ABCA6: variants seen among roughly 807,000 people sequenced by gnomAD.
ABCA6 encodes the protein ATP binding cassette subfamily A member 6.
In ABCA6, 164 loss-of-function variants were observed where a neutral mutation model predicts 191.2. The ratio of observed to expected loss-of-function variants is 0.86; its 90% CI spans 0.76 to 0.98. The LOEUF (loss-of-function observed/expected upper bound fraction) is 0.98, where lower values mean the gene tolerates loss of function less well. Ranked by LOEUF, ABCA6 falls within the 50% of genes least tolerant of loss-of-function variation. The probability of loss-of-function intolerance (pLI) is 0.00; values close to 1 mark genes in which losing one functional copy is unlikely to be tolerated. For missense variants in ABCA6, 1,958 were observed against 1,894.1 expected, an observed-to-expected ratio of 1.03 and a Z score of -0.63; for synonymous variants, 636 against 647.7, an observed-to-expected ratio of 0.98 and a Z score of 0.27.
chr17:69,091,207 A>C lies in ABCA6; in HGVS notation c.3464T>G (p.Leu1155Trp). Reference sequence around the variant, plus strand: ...AGGAACCAATACCATGGTGGTAATCAATATACTTAGGTCAAAATGATTGAT... The same window carrying C: ...AGGAACCAATACCATGGTGGTAATCCATATACTTAGGTCAAAATGATTGAT... ...TLINHFDLSI[L>W]ITTMVLVPSY... Residue 1155 changes from leucine (L) to tryptophan (W), a missense_variant, in exon 26 of 39, where the codon TTG (leucine) becomes TGG (tryptophan). By Grantham distance (61) the Leu-to-Trp change is moderately conservative. Coordinates refer to ENST00000284425, the MANE Select transcript of ABCA6 (RefSeq NM_080284.3). 6.2e-7 allele frequency: 1 copy of C among 1,612,240 alleles called. No homozygotes were observed. The highest frequency in any genetic ancestry group is 8.5e-7 in the Non-Finnish European group (1 of 1,179,504).
At chr17:69,096,429 A>G (rs931812862) in intron 24 of ABCA6, 76 bp from the exon 25 acceptor site, 4 of 920,466 alleles carry the variant, frequency 4.3e-6, no homozygotes, top group Non-Finnish European at 6.1e-6. Context: ...CAACTTTTAA[A>G]AAACAAGTAA....
intron 25 of ABCA6, 74 bp downstream of exon 25, chr17:69,096,166 C>T: frequency 1.5e-6 from 1 of 652,874 alleles, no homozygotes; most frequent in East Asian, 3.4e-5. Context: ...TTAAGGCAGA[C>T]ATCTGTATTT....
intron 14 of ABCA6, 37 bp from the exon 15 acceptor site, chr17:69,113,397 T>C (rs780588373): frequency 3.2e-6 from 5 of 1,572,116 alleles, no homozygotes; most frequent in Admixed American, 2.1e-5. Context: ...ATGTCTCTCT[T>C]TCACATTAAC....
At chr17:69,084,192 A>G in intron 34 of ABCA6, 69 bp downstream of exon 34, 1 of 1,467,980 alleles carries the variant, frequency 6.8e-7, no homozygotes, top group South Asian at 1.2e-5. Context: ...CTGATTTTCC[A>G]AGACCAGTTA....
intron 18 of ABCA6, among the ~76,000 whole-genome samples, chr17:69,107,098 T>C (rs956644214): frequency 6.6e-6 from 1 of 152,190 alleles, no homozygotes; most frequent in Non-Finnish European, 1.5e-5. Flanking sequence ...GTATCTTACA[T>C]CTGTGATTGG....
chr17:69,101,841 C>T (rs1213628674), intron 21 of ABCA6, among the ~76,000 whole-genome samples: 1 of 152,126 alleles, frequency 6.6e-6, no homozygotes, highest in Non-Finnish European at 1.5e-5. Context: ...AACGTAGTAG[C>T]TGACAAAGTA....
In ABCA6 at chr17:69,134,944, G is replaced by A. The variant is rs1036611714; in HGVS notation, c.461-202C>T. Among the ~76,000 whole-genome samples the A allele has an allele frequency of 2.8e-5, 4 of 141,954 alleles. No individual in the cohort carries two copies. The South Asian group carries it at 9.2e-4, about 32-fold the overall frequency. 93.1% of individuals were successfully genotyped at this position (141,954 alleles called of 152,430 possible). A position where few individuals can be genotyped will look rare whatever the true frequency, so the allele number is the denominator to read the frequency against. ...GTTGCCCAGGCTGGAGTGCAGTGGTGCGATCTCAGCTCACTGCAACCTCCA... is the reference window on the plus strand; with the variant it reads ...GTTGCCCAGGCTGGAGTGCAGTGGTACGATCTCAGCTCACTGCAACCTCCA... On this transcript the variant is annotated intron_variant, in intron 4 of 38. Transcript: ENST00000284425.
Position 69,082,934 on chromosome 17 carries a change from G to C in ABCA6, c.4555C>G (p.Gln1519Glu), listed in dbSNP as rs759377509. 2 of 1,614,228 alleles carry C rather than the reference G, an allele frequency of 1.2e-6. No individual in the cohort carries two copies. The highest frequency in any genetic ancestry group is 2.2e-5 in the East Asian group (1 of 44,892). ...ILELKVKETS[Q>E]VTLVHTEILK... ...ATCTCAGTGTGGACCAAAGTCACTT[G>C]AGACGTTTCCTTCACTTTTAGCTCT... The change falls in exon 36 of 39, where the codon CAA (glutamine) becomes GAA (glutamate). Residue 1519 changes from glutamine (Q) to glutamate (E), a missense_variant. Transcript: ENST00000284425.
intron 21 of ABCA6, among the ~76,000 whole-genome samples, chr17:69,101,414 G>T (rs565007588): frequency 7.9e-5 from 12 of 151,998 alleles, no homozygotes; most frequent in African/African-American, 2.9e-4. Flanking sequence ...GGCCAACATA[G>T]CAAAACCCTA....
chr17:69,100,205 G>A (rs767921011), intron 22 of ABCA6, among the ~76,000 whole-genome samples: 1 of 152,112 alleles, frequency 6.6e-6, no homozygotes, highest in East Asian at 1.9e-4. Context: ...CAATGTAGGG[G>A]GTCCTCTGCT....
In ABCA6 at chr17:69,113,665, G is replaced by A. The variant is rs780862905; in HGVS notation, c.1855C>T (p.Gln619Ter). The change falls in exon 14 of 39, where the codon CAG becomes TAG. Residue 619 changes from glutamine to a stop codon, truncating the protein, a stop_gained. Coordinates refer to ENST00000284425, the MANE Select transcript of ABCA6 (RefSeq NM_080284.3). LOFTEE classifies it high-confidence loss of function. ...DNLAKHLSEGQKRKLTFGITI... is the reference protein window; with the variant it reads ...DNLAKHLSEG ...ATCCCAAAAGTCAGCTTTCTTTTCT[G>A]TCCTTCACTTAAATGTTTAGCAAGG... 1 of 1,612,828 alleles carries A rather than the reference G, an allele frequency of 6.2e-7. No individual in the cohort carries two copies. Among genetic ancestry groups the A allele is most frequent in the African/African-American group, 1.3e-5 (1 of 74,816 alleles).
chr17:69,091,149 C>A lies in ABCA6; in HGVS notation c.3522G>T (p.Leu1174Phe). The change falls in exon 26 of 39, where the codon TTG becomes TTT. Residue 1174 changes from leucine to phenylalanine, a missense_variant. Coordinates refer to ENST00000284425, the MANE Select transcript of ABCA6 (RefSeq NM_080284.3). ...SYTLLGFKTF[L>F]EVRDQEHYRE... ...AGTTGGTAACATTTCTTACCACTTC[C>A]AAAAAAGTTTTAAATCCAAGCAAGG... 1 of 1,606,504 alleles carries A rather than the reference C, an allele frequency of 6.2e-7. No individual in the cohort carries two copies. Among genetic ancestry groups the A allele is most frequent in the Non-Finnish European group, 8.5e-7 (1 of 1,177,644 alleles).
intron 22 of ABCA6, among the ~76,000 whole-genome samples, chr17:69,098,853 A>C (rs1177100314): frequency 6.6e-6 from 1 of 152,176 alleles, no homozygotes; most frequent in Non-Finnish European, 1.5e-5. Flanking sequence ...GCAAGACGGC[A>C]AAGTTCTGGA....
intron 8 of ABCA6, among the ~76,000 whole-genome samples, chr17:69,126,142 G>A (rs748956441): frequency 3.3e-5 from 5 of 152,042 alleles, no homozygotes; most frequent in Non-Finnish European, 5.9e-5. Context: ...GATTATATAT[G>A]TATAAAACCC....
intron 26 of ABCA6, 93 bp from the exon 27 acceptor site, chr17:69,089,635 T>C (rs1009243570): frequency 2.5e-5 from 27 of 1,082,416 alleles, no homozygotes; most frequent in Non-Finnish European, 3.6e-5. Flanking sequence ...ATATTGAATA[T>C]TTTCCTCATA....
rs765553628 is a variant in ABCA6 at position 69,112,246 on chromosome 17, C to T, written c.2069G>A (p.Arg690Lys). 1 of 1,612,532 alleles carries T rather than the reference C, an allele frequency of 6.2e-7. No homozygotes were observed. The highest frequency in any genetic ancestry group is 8.5e-7 in the Non-Finnish European group (1 of 1,178,996). ...ADRKVIMSNG[R>K]LKCAGSSMFL... Reference sequence around the variant, plus strand: ...CATAGAAGAACCTGCACACTTCAGTCTCCCATTGGACATGATCACTTTTCT... The same window carrying T: ...CATAGAAGAACCTGCACACTTCAGTTTCCCATTGGACATGATCACTTTTCT... Residue 690 changes from arginine to lysine, a missense_variant, in exon 16 of 39, where the codon AGA becomes AAA. Coordinates refer to ENST00000284425, the MANE Select transcript of ABCA6 (RefSeq NM_080284.3).
chr17:69,137,644 G>T (rs898543556), intron 2 of ABCA6, 144 bp from the exon 3 acceptor site: 2 of 716,000 alleles, frequency 2.8e-6, no homozygotes, highest in Non-Finnish European at 4.4e-6. Context: ...AGAGCATGGA[G>T]AATCAAATGA....
Position 69,123,222 on chromosome 17 carries a change from C to G in ABCA6, c.1436+17G>C, listed in dbSNP as rs1420754961. ...GCCTTGTGCTCATGCATTAGTATTA[C>G]TTATAAGTGTGATTACCTGATGGCT... On this transcript the variant is annotated intron_variant, in intron 10 of 38. Coordinates refer to ENST00000284425, the MANE Select transcript of ABCA6 (RefSeq NM_080284.3). 1 of 1,422,822 alleles carries G rather than the reference C, an allele frequency of 7.0e-7. No homozygotes were observed. The highest frequency in any genetic ancestry group is 1.4e-5 in the African/African-American group (1 of 69,062). 88.1% of individuals were successfully genotyped at this position (1,422,822 alleles called of 1,614,324 possible). A position where few individuals can be genotyped will look rare whatever the true frequency, so the allele number is the denominator to read the frequency against.
chr17:69,132,895 T>C (rs1485881300), intron 6 of ABCA6, among the ~76,000 whole-genome samples: 1 of 152,058 alleles, frequency 6.6e-6, no homozygotes, highest in Admixed American at 6.5e-5. Flanking sequence ...CATATATGTG[T>C]GTATGTATGT....
Sources: gnomAD v4.1 joint callset for allele counts (sites outside exome capture counted in the v4.1 genomes callset) on GRCh38, gnomAD v4.1.1 for gene constraint, MANE v1.5 for transcripts, NCBI Gene and HGNC (gene_info 2026-07-23, HGNC 2026-07-21) for gene names.